Variants in FYCO1 observed in about 807,000 individuals in gnomAD.
FYCO1 encodes the protein FYVE and coiled-coil domain autophagy adaptor 1.
A neutral mutation model predicts 165.1 loss-of-function variants in FYCO1; 122 were observed. The ratio of observed to expected loss-of-function variants is 0.74; its 90% CI spans 0.64 to 0.86. The LOEUF is 0.86. FYCO1 is among the 40% of genes least tolerant of loss of function. The pLI is 0.00. For missense variants in FYCO1, 1,702 were observed against 1,810.3 expected, an observed-to-expected ratio of 0.94 and a Z score of 1.09; for synonymous variants, 648 against 742.5, an observed-to-expected ratio of 0.87 and a Z score of 2.07.
chr3:45,923,617 G>A, intron 17 of FYCO1, 39 bp downstream of exon 17: 1 of 1,236,372 alleles, frequency 8.1e-7, no homozygotes. Context: ...GTGAAAGAGA[G>A]GCCTGGAGAC....
intron 16 of FYCO1, among the ~76,000 whole-genome samples, chr3:45,927,976 A>G (rs1703402126): frequency 6.6e-6 from 1 of 152,244 alleles, no homozygotes; most frequent in African/African-American, 2.4e-5. Context: ...ATTTCTTTAA[A>G]ACATCTTACT....
chr3:45,979,270 C>T (rs1265834346), intron 4 of FYCO1, among the ~76,000 whole-genome samples: 1 of 152,206 alleles, frequency 6.6e-6, no homozygotes, highest in African/African-American at 2.4e-5. Context: ...CTCTTGAGAT[C>T]CCACATCATT....
chr3:45,937,262 C>A (rs1703947902), intron 14 of FYCO1, among the ~76,000 whole-genome samples: 2 of 152,222 alleles, frequency 1.3e-5, no homozygotes, highest in Non-Finnish European at 2.9e-5. Context: ...ATGGCTTTGC[C>A]CTCATGTGAA....
intron 15 of FYCO1, among the ~76,000 whole-genome samples, chr3:45,932,181 C>T (rs1703666056): frequency 6.6e-6 from 1 of 152,180 alleles, no homozygotes; most frequent in Admixed American, 6.5e-5. Flanking sequence ...CCTTCCAGGC[C>T]GAGTGGCACC....
intron 11 of FYCO1, among the ~76,000 whole-genome samples, chr3:45,959,889 G>A (rs193186228): frequency 1.3e-3 from 193 of 152,316 alleles, no homozygotes; most frequent in Middle Eastern, 6.8e-3. Context: ...CTGCCATGCC[G>A]ACGGCGTGCA....
At chr3:45,932,467 A>T (rs1703680715) in intron 15 of FYCO1, among the ~76,000 whole-genome samples, 1 of 152,270 alleles carries the variant, frequency 6.6e-6, no homozygotes, top group African/African-American at 2.4e-5. Flanking sequence ...TAAAAGATTG[A>T]GAAATTCAAT....
At chr3:45,975,536 T>C (rs968867519) in intron 4 of FYCO1, among the ~76,000 whole-genome samples, 191 bp from the exon 5 acceptor site, 1 of 152,298 alleles carries the variant, frequency 6.6e-6, no homozygotes, top group South Asian at 2.1e-4. Context: ...TTGAAGTGGG[T>C]GAACTACTTG....
intron 15 of FYCO1, among the ~76,000 whole-genome samples, chr3:45,935,058 G>A (rs1368172100): frequency 6.6e-6 from 1 of 152,144 alleles, no homozygotes; most frequent in Non-Finnish European, 1.5e-5. Context: ...GTTTGTCCAA[G>A]TGTGGTCCAA....
Position 45,962,322 on chromosome 3 carries a change from T to A in FYCO1, c.3340A>T (p.Thr1114Ser). The part of the protein sequence containing the change: ...EYYNKLCQEV[T>S]NRERNDQKML... ...TTCTGGTCATTCCTCTCACGATTTG[T>A]CACCTCCTGGCAGAGTTTGTTGTAA... The change falls in exon 11 of 18, where the codon ACA becomes TCA. Residue 1114 changes from threonine (T) to serine (S), a missense_variant. Thr to Ser is a moderately conservative substitution (Grantham distance 58, BLOSUM62 1). Coordinates refer to ENST00000296137, the MANE Select transcript of FYCO1 (RefSeq NM_024513.4). The surrounding 1 kb of genome is among the most constrained non-coding windows in gnomAD (Gnocchi z 4.4). The A allele has an allele frequency of 6.2e-7, 1 of 1,614,198 alleles. No individual in the cohort carries two copies. The highest frequency in any genetic ancestry group is 1.3e-5 in the African/African-American group (1 of 75,060).
chr3:45,937,260 G>T (rs1703947698), intron 14 of FYCO1, among the ~76,000 whole-genome samples: 1 of 152,208 alleles, frequency 6.6e-6, no homozygotes, highest in African/African-American at 2.4e-5. Flanking sequence ...AAATGGCTTT[G>T]CCCTCATGTG....
In FYCO1 at chr3:45,933,842, C is replaced by T. The variant is rs539994295; in HGVS notation, c.4041-2561G>A. ...CAGATGCTGGAGTTATCTGTCAAGGCTTTTAAAGCAGCCATCAAAAAAAAT... is the reference window on the plus strand; with the variant it reads ...CAGATGCTGGAGTTATCTGTCAAGGTTTTTAAAGCAGCCATCAAAAAAAAT... On this transcript the variant is annotated intron_variant, in intron 15 of 17. Coordinates refer to ENST00000296137, the MANE Select transcript of FYCO1 (RefSeq NM_024513.4). Among the ~76,000 whole-genome samples the T allele has an allele frequency of 4.6e-5, 7 of 152,194 alleles. No individual in the cohort carries two copies. The South Asian group carries it at 1.2e-3, about 27-fold the overall frequency.
chr3:45,941,709 G>A (rs1469544866), intron 14 of FYCO1, among the ~76,000 whole-genome samples: 2 of 152,194 alleles, frequency 1.3e-5, no homozygotes, highest in Non-Finnish European at 2.9e-5. Flanking sequence ...CACAGTCATG[G>A]AGGGCCCCAG....
intron 1 of FYCO1, among the ~76,000 whole-genome samples, chr3:45,990,803 C>T (rs149891507): frequency 0.017 from 2,570 of 152,236 alleles, 32 homozygotes; most frequent in Non-Finnish European, 0.025. Flanking sequence ...AATGGAGTCT[C>T]GCTCTGTCGC....
chr3:45,957,849 T>C (rs904076647), intron 13 of FYCO1, among the ~76,000 whole-genome samples: 1 of 152,276 alleles, frequency 6.6e-6, no homozygotes, highest in African/African-American at 2.4e-5. Context: ...GTCTCAGCTC[T>C]GCCTCCCTGT....
At position 45,958,447 on chromosome 3, in the gene FYCO1, A is replaced by G. The variant is rs1301568837; in HGVS notation, c.3760T>C (p.Ser1254Pro). The change falls in exon 13 of 18, where the codon TCA (serine) becomes CCA (proline). Residue 1254 changes from serine (S) to proline (P), a missense_variant. Transcript: ENST00000296137. ...TSQGEPSPAL[S>P]PASPGPQATG... The stretch of plus-strand genomic sequence containing the variant: ...GCCTGGGGCCCAGGTGAGGCTGGTG[A>G]CAGTGCAGGGCTGGGCTCTCCCTGG... The G allele has an allele frequency of 1.9e-6, 3 of 1,612,972 alleles. No individual in the cohort carries two copies. The highest frequency in any genetic ancestry group is 2.2e-5 in the East Asian group (1 of 44,876).
chr3:45,946,606 T>C, intron 14 of FYCO1: 1 of 1,614,198 alleles, frequency 6.2e-7, no homozygotes, highest in Admixed American at 1.7e-5. Flanking sequence ...CTGGTGGTGT[T>C]TGTCTGTGGT....
At chr3:45,972,696 C>T (rs1706509471) in intron 6 of FYCO1, among the ~76,000 whole-genome samples, 1 of 152,178 alleles carries the variant, frequency 6.6e-6, no homozygotes, top group African/African-American at 2.4e-5. Flanking sequence ...TCCTGCAACC[C>T]TTATGTGGAC....
At chr3:45,924,488 G>T (rs938753717) in intron 16 of FYCO1, among the ~76,000 whole-genome samples, 4 of 152,138 alleles carry the variant, frequency 2.6e-5, no homozygotes, top group Non-Finnish European at 5.9e-5. Context: ...TCAGAGGGAG[G>T]TCTTTGAATG....
rs575735443 is a variant in FYCO1 at position 45,958,713 on chromosome 3, C to G, written c.3588-94G>C. The G allele has an allele frequency of 6.6e-6, 8 of 1,211,540 alleles. No individual in the cohort carries two copies. The South Asian group carries it at 9.8e-5, about 15-fold the overall frequency. The allele number at this position is 1,211,540 out of a possible 1,614,324, so 75.0% of individuals were successfully genotyped here. On this transcript the variant is annotated intron_variant, in intron 12 of 17. Coordinates refer to ENST00000296137, the MANE Select transcript of FYCO1 (RefSeq NM_024513.4). ...AAACTGGGCTCTGGATGCCATGTGA[C>G]TCTCATCAGACCTGGCTCTGCCCCC...
Sources: gnomAD v4.1 joint callset for allele counts (sites outside exome capture counted in the v4.1 genomes callset) on GRCh38, gnomAD v4.1.1 for gene constraint, Gnocchi (gnomAD v3.1) non-coding constraint, MANE v1.5 for transcripts, NCBI Gene and HGNC (gene_info 2026-07-23, HGNC 2026-07-21) for gene names.